AMOTL1: variants seen among roughly 807,000 people sequenced by gnomAD.
The protein encoded by AMOTL1 is angiomotin like 1.
A neutral mutation model predicts 102.9 loss-of-function variants in AMOTL1; 45 were observed. The ratio of observed to expected loss-of-function variants is 0.44; its 90% CI spans 0.34 to 0.56. AMOTL1 has a LOEUF of 0.56. AMOTL1 is among the 20% of genes least tolerant of loss of function. AMOTL1 has a pLI of 0.01. For synonymous variants in AMOTL1, 481 were observed against 484.7 expected, an observed-to-expected ratio of 0.99 and a Z score of 0.10; for missense variants, 1,114 against 1,225.6, an observed-to-expected ratio of 0.91 and a Z score of 1.36.
chr11:94,869,063 T>G, intron 11 of AMOTL1, 135 bp from the exon 12 acceptor site: 2 of 1,078,776 alleles, frequency 1.9e-6, no homozygotes, highest in Non-Finnish European at 2.5e-6. Context: ...TAATAAGTGT[T>G]TATTAAATGC....
chr11:94,830,042 T>C lies in AMOTL1; in HGVS notation c.1414-8T>C, dbSNP rs1214276678. The C allele has an allele frequency of 3.8e-6, 6 of 1,586,196 alleles. No individual in the cohort carries two copies. The highest frequency in any genetic ancestry group is 5.1e-6 in the Non-Finnish European group (6 of 1,169,402). On this transcript the variant is annotated splice_polypyrimidine_tract_variant and splice_region_variant and intron_variant, in intron 4 of 12. Coordinates refer to ENST00000433060, the MANE Select transcript of AMOTL1 (RefSeq NM_130847.3). Reference sequence around the variant, plus strand: ...AGGTACCACTTTAATGCCAGTTCTTTCTTTTAGTTTGAAAAAGAACTTCAG... The same window carrying C: ...AGGTACCACTTTAATGCCAGTTCTTCCTTTTAGTTTGAAAAAGAACTTCAG...
Position 94,799,400 on chromosome 11 carries a change from T to C in AMOTL1, c.210T>C (p.Pro70=), listed in dbSNP as rs780065530. 2 of 1,568,696 alleles carry C rather than the reference T, an allele frequency of 1.3e-6. No homozygotes were observed. Among genetic ancestry groups the C allele is most frequent in the Non-Finnish European group, 1.7e-6 (2 of 1,155,032 alleles). Residue 70 remains proline, a synonymous_variant, in exon 3 of 13, where the codon CCT becomes CCC. Transcript: ENST00000433060. This position sits in a 1 kb window ranked among gnomAD's most constrained non-coding sequence, Gnocchi z 4.5. ...SSIREKVVED[P]LCNFHSPNFL... ...ATGTTTATCTTTTAGTTGAAGATCC[T>C]CTTTGTAACTTCCACTCCCCAAACT...
At chr11:94,810,104 A>G (rs1163984327) in intron 3 of AMOTL1, among the ~76,000 whole-genome samples, 1 of 152,218 alleles carries the variant, frequency 6.6e-6, no homozygotes, top group Non-Finnish European at 1.5e-5. Flanking sequence ...TGCATATTAA[A>G]GGGCCAACTC....
At chr11:94,735,714 C>T (rs1265768569) in intron 2 of AMOTL1, among the ~76,000 whole-genome samples, 2 of 152,062 alleles carry the variant, frequency 1.3e-5, no homozygotes, top group East Asian at 3.9e-4. Flanking sequence ...TTAAAAATTC[C>T]TACTAGGACA....
intron 3 of AMOTL1, among the ~76,000 whole-genome samples, chr11:94,821,054 A>G (rs941338364): frequency 1.3e-5 from 2 of 152,156 alleles, no homozygotes; most frequent in African/African-American, 4.8e-5. Flanking sequence ...CCTACATGGA[A>G]TACTCCTTTC....
rs148671350 is a variant in AMOTL1, at chr11:94,792,734, C to A, written c.50-2277C>A. ...TGACATGTCTTAATAGTTAGGCATCCTGTCCTTCAGTGTGAATTCAGGTGT... is the reference window on the plus strand; with the variant it reads ...TGACATGTCTTAATAGTTAGGCATCATGTCCTTCAGTGTGAATTCAGGTGT... On this transcript the variant is annotated intron_variant, in intron 1 of 12. Transcript: ENST00000433060. Among the ~76,000 whole-genome samples, 635 of 152,290 alleles carry A rather than the reference C, an allele frequency of 4.2e-3. 13 individuals carry two copies. Among genetic ancestry groups the A allele is most frequent in the South Asian group, 0.035 (170 of 4,820 alleles).
chr11:94,829,933 G>T lies in AMOTL1; in HGVS notation c.1414-117G>T, dbSNP rs1952039764. 13 of 1,021,608 alleles carry T rather than the reference G, an allele frequency of 1.3e-5. No individual in the cohort carries two copies. The South Asian group carries it at 2.3e-4, about 18-fold the overall frequency. The allele number at this position is 1,021,608 out of a possible 1,614,324, so 63.3% of individuals were successfully genotyped here. ...GTTTGGTACACATGAAACTTGAGATGCAGAAAGACTGCATTGAAGATACAG... is the reference window on the plus strand; with the variant it reads ...GTTTGGTACACATGAAACTTGAGATTCAGAAAGACTGCATTGAAGATACAG... On this transcript the variant is annotated intron_variant, in intron 4 of 12. Coordinates refer to ENST00000433060, the MANE Select transcript of AMOTL1 (RefSeq NM_130847.3).
At chr11:94,741,804 G>T (rs180690629) in intron 3 of AMOTL1, among the ~76,000 whole-genome samples, 54 of 152,026 alleles carry the variant, frequency 3.6e-4, no homozygotes, top group African/African-American at 1.3e-3. Context: ...TTCATCACTA[G>T]CCTGAATATC....
Position 94,755,196 on chromosome 11 carries a change from G to C in AMOTL1, c.136+14208G>C, listed in dbSNP as rs190000655. On this transcript the variant is annotated intron_variant, in intron 3 of 4. Coordinates refer to the AMOTL1 transcript ENST00000299004. ...CTGAACAACTTCAGGGATTTGATGC[G>C]TGCTTCACTGTGCTCAATATATAAA... is the stretch of plus-strand genomic sequence containing the variant. Among the ~76,000 whole-genome samples, 10 of 152,302 alleles carry C rather than the reference G, an allele frequency of 6.6e-5. No individual in the cohort carries two copies. In the East Asian group the frequency reaches 1.2e-3, roughly 18 times the overall value.
intron 6 of AMOTL1, among the ~76,000 whole-genome samples, chr11:94,832,254 A>G (rs1427110071): frequency 6.6e-6 from 1 of 152,244 alleles, no homozygotes; most frequent in Non-Finnish European, 1.5e-5. Flanking sequence ...TATCTATATC[A>G]TAATTCTCAA....
At chr11:94,782,682 T>C (rs954802493) in intron 1 of AMOTL1, among the ~76,000 whole-genome samples, 1 of 152,200 alleles carries the variant, frequency 6.6e-6, no homozygotes, top group Non-Finnish European at 1.5e-5. Flanking sequence ...TTTGGTGTGG[T>C]TTCACAGAAT....
chr11:94,803,168 T>C (rs1258876277), intron 3 of AMOTL1, among the ~76,000 whole-genome samples: 2 of 152,180 alleles, frequency 1.3e-5, no homozygotes, highest in African/African-American at 2.4e-5. Context: ...TGCCTAGAGG[T>C]AGAAAGCTCC....
chr11:94,845,942 A>T (rs1338278240), intron 6 of AMOTL1, among the ~76,000 whole-genome samples: 1 of 152,182 alleles, frequency 6.6e-6, no homozygotes, highest in Non-Finnish European at 1.5e-5. Context: ...CCCTACCAAA[A>T]ATTCATCACG....
chr11:94,851,978 A>C (rs1952549108), intron 7 of AMOTL1, among the ~76,000 whole-genome samples: 1 of 152,266 alleles, frequency 6.6e-6, no homozygotes, highest in Middle Eastern at 3.2e-3. Context: ...TATTCCAGGC[A>C]TTGGGTACGC....
intron 6 of AMOTL1, among the ~76,000 whole-genome samples, chr11:94,844,750 A>C (rs144421241): frequency 6.6e-6 from 1 of 152,154 alleles, no homozygotes; most frequent in East Asian, 1.9e-4. Context: ...TAAAGGCCCC[A>C]CCTCTTAATA....
chr11:94,821,594 T>C lies in AMOTL1; in HGVS notation c.1186T>C (p.Ser396Pro). ...GCACAGCCCCATGTCCTCCCAGACC[T>C]CTTCCGCCAGCGGGCCACTGCACTC... is the stretch of plus-strand genomic sequence containing the variant. ...QQHSPMSSQT[S>P]SASGPLHSVS... Residue 396 changes from serine (S) to proline (P), a missense_variant, in exon 4 of 13, where the codon TCT (serine) becomes CCT (proline). Ser to Pro is a moderately conservative substitution (Grantham distance 74, BLOSUM62 -1). Transcript: ENST00000433060. 1 of 1,613,852 alleles carries C rather than the reference T, an allele frequency of 6.2e-7. No homozygotes were observed. The highest frequency in any genetic ancestry group is 8.5e-7 in the Non-Finnish European group (1 of 1,179,854).
At chr11:94,781,725 C>A (rs750916868) in intron 1 of AMOTL1, among the ~76,000 whole-genome samples, 1 of 151,974 alleles carries the variant, frequency 6.6e-6, no homozygotes, top group Non-Finnish European at 1.5e-5. Flanking sequence ...ATCCTAGCTA[C>A]TCAGGAGACT....
chr11:94,866,087 A>G lies in AMOTL1; in HGVS notation c.2407A>G (p.Thr803Ala). The G allele has an allele frequency of 6.2e-7, 1 of 1,613,958 alleles. No individual in the cohort carries two copies. Among genetic ancestry groups the G allele is most frequent in the Non-Finnish European group, 8.5e-7 (1 of 1,179,886 alleles). ...TCCATCCATAGCAGCAGCTACTGGG[A>G]CACACTCTCGCCAGACCTCTCTTAC... ...SVPSIAAATGTHSRQTSLTSS... is the reference protein window; with the variant it reads ...SVPSIAAATGAHSRQTSLTSS... The change falls in exon 11 of 13, where the codon ACA becomes GCA. Residue 803 changes from threonine to alanine, a missense_variant. Thr to Ala is a moderately conservative substitution (Grantham distance 58, BLOSUM62 0). Coordinates refer to ENST00000433060, the MANE Select transcript of AMOTL1 (RefSeq NM_130847.3).
At chr11:94,841,281 A>G (rs1008845973) in intron 6 of AMOTL1, among the ~76,000 whole-genome samples, 4 of 152,056 alleles carry the variant, frequency 2.6e-5, no homozygotes, top group African/African-American at 9.7e-5. Context: ...ATGAAACCCC[A>G]TCTCTACTAA....
Sources: allele counts gnomAD v4.1 joint callset (sites outside exome capture counted in the v4.1 genomes callset), GRCh38; gene constraint gnomAD v4.1.1; non-coding constraint Gnocchi (gnomAD v3.1); transcripts MANE v1.5; gene names NCBI Gene and HGNC (gene_info 2026-07-23, HGNC 2026-07-21).